The following ELFN1 variants were observed in gnomAD, a reference collection of about 807,000 sequenced individuals.
ELFN1 encodes the protein extracellular leucine rich repeat and fibronectin type III domain containing 1, also known as protein ELFN1.
In ELFN1, 6 loss-of-function variants were observed where a neutral mutation model predicts 7.6. The ratio of observed to expected loss-of-function variants is 0.79; its 90% CI spans 0.43 to 1.56. The LOEUF is 1.56. Among genes scored for constraint, ELFN1 ranks in the 40% most tolerant of loss-of-function variants. The pLI, the probability that ELFN1 is intolerant of heterozygous loss-of-function variation, is 0.01. For synonymous variants in ELFN1, 657 were observed against 588.1 expected (o/e 1.12, Z -1.70); for missense variants, 1,169 against 1,232.2 (o/e 0.95, Z 0.77).
At chr7:1,719,498 G>T (rs1392091926) in intron 3 of ELFN1, among the ~76,000 whole-genome samples, 1 of 152,210 alleles carries the variant, frequency 6.6e-6, no homozygotes, top group Non-Finnish European at 1.5e-5. Flanking sequence ...CCCACCCCTG[G>T]AGACCCCTGT....
intron 2 of ELFN1, among the ~76,000 whole-genome samples, chr7:1,698,257 A>G (rs751196145): frequency 4.6e-5 from 7 of 152,214 alleles, no homozygotes; most frequent in East Asian, 1.9e-4. Flanking sequence ...GCACTTATCA[A>G]ATTTACAGCT....
chr7:1,669,585 CG>C (rs1778720794), upstream of ELFN1, among the ~76,000 whole-genome samples: 3 of 152,194 alleles, frequency 2.0e-5, no homozygotes, highest in African/African-American at 7.2e-5. Context: ...AACATGCGGA[CG>C]GGGGCTTCCG....
intron 1 of ELFN1, among the ~76,000 whole-genome samples, chr7:1,687,093 C>T (rs940186239): frequency 6.6e-6 from 1 of 151,966 alleles, no homozygotes; most frequent in South Asian, 2.1e-4. Flanking sequence ...CCCTGCCCTG[C>T]CCTGTGGGAA....
At chr7:1,704,347 T>A (rs1779486666) in intron 2 of ELFN1, among the ~76,000 whole-genome samples, 1 of 152,162 alleles carries the variant, frequency 6.6e-6, no homozygotes, top group South Asian at 2.1e-4. Context: ...AGTCTCTTGG[T>A]CCTGATCCGG....
intron 1 of ELFN1, among the ~76,000 whole-genome samples, chr7:1,675,443 A>G (rs965005124): frequency 3.3e-5 from 5 of 152,190 alleles, no homozygotes; most frequent in African/African-American, 1.2e-4. Flanking sequence ...ACCCCGGGAG[A>G]TGATTGACAG....
At chr7:1,717,210 G>A (rs1779862371) in intron 3 of ELFN1, among the ~76,000 whole-genome samples, 1 of 152,204 alleles carries the variant, frequency 6.6e-6, no homozygotes, top group Admixed American at 6.5e-5. Flanking sequence ...CGGAGCTCAG[G>A]AGAGCCACCC....
chr7:1,690,434 T>A (rs1355914632), intron 2 of ELFN1, among the ~76,000 whole-genome samples: 1 of 146,922 alleles, frequency 6.8e-6, no homozygotes, highest in African/African-American at 2.6e-5. Context: ...AATGGGTGAA[T>A]GGATGGATGA....
chr7:1,667,952 C>G (rs537942083), upstream of ELFN1, among the ~76,000 whole-genome samples: 2 of 136,772 alleles, frequency 1.5e-5, no homozygotes, highest in South Asian at 5.2e-4. The surrounding 1 kb of genome is among the most constrained non-coding windows in gnomAD (Gnocchi z 8.2). Flanking sequence ...GACGGCGCAG[C>G]CTCCGCTCGG....
chr7:1,679,172 TAC>T (rs1491240273), intron 1 of ELFN1, among the ~76,000 whole-genome samples: 1 of 144,802 alleles, frequency 6.9e-6, no homozygotes, highest in Admixed American at 6.6e-5. Flanking sequence ...TGCACACACG[TAC>T]GCGCGCACAC....
intron 2 of ELFN1, among the ~76,000 whole-genome samples, chr7:1,688,832 G>A (rs972588063): frequency 6.6e-6 from 1 of 152,054 alleles, no homozygotes; most frequent in Non-Finnish European, 1.5e-5. Context: ...CCCTTTTATA[G>A]CCATGCCCCC....
At chr7:1,712,793 G>A (rs1779699953) in intron 3 of ELFN1, among the ~76,000 whole-genome samples, 1 of 152,150 alleles carries the variant, frequency 6.6e-6, no homozygotes, top group African/African-American at 2.4e-5. Flanking sequence ...GTGAAATGCT[G>A]GGCAAGTCAT....
At chr7:1,675,119 G>C (rs1363239621) in intron 1 of ELFN1, among the ~76,000 whole-genome samples, 1 of 152,186 alleles carries the variant, frequency 6.6e-6, no homozygotes, top group African/African-American at 2.4e-5. Context: ...GAACCAGCTT[G>C]TCTGGGAAGC....
At chr7:1,696,495 C>A (rs1779316961) in intron 2 of ELFN1, among the ~76,000 whole-genome samples, 1 of 151,854 alleles carries the variant, frequency 6.6e-6, no homozygotes, top group South Asian at 2.1e-4. Context: ...GGGCTCAAGC[C>A]ATCCTCCCAC....
At chr7:1,716,037 AG>A in intron 3 of ELFN1, among the ~76,000 whole-genome samples, 1 of 152,336 alleles carries the variant, frequency 6.6e-6, no homozygotes, top group South Asian at 2.1e-4. Context: ...GTGCACACAG[AG>A]GCAAGTCATG....
intron 2 of ELFN1, among the ~76,000 whole-genome samples, chr7:1,708,256 C>T (rs1440891489): frequency 1.3e-5 from 2 of 152,208 alleles, no homozygotes; most frequent in Non-Finnish European, 2.9e-5. Context: ...GGATCAGGTG[C>T]CACCTCGTGG....
Position 1,744,958 on chromosome 7 carries a change from G to T in ELFN1, c.362G>T (p.Arg121Leu), listed in dbSNP as rs965160942. The change falls in exon 4 of 4, where the codon CGC becomes CTC. Residue 121 changes from arginine (R) to leucine (L), a missense_variant. Coordinates refer to ENST00000424383, the MANE Select transcript of ELFN1 (RefSeq NM_001128636.4). ...CTGCAGCTGGGCTACAACCGGCTGC[G>T]CAACCTCACGGAGGGCATGCTGCGC... is the stretch of plus-strand genomic sequence containing the variant. ...QVLQLGYNRL[R>L]NLTEGMLRGL... The T allele has an allele frequency of 6.4e-7, 1 of 1,551,308 alleles. No individual in the cohort carries two copies. Among genetic ancestry groups the T allele is most frequent in the Non-Finnish European group, 8.7e-7 (1 of 1,147,060 alleles).
At position 1,744,911 on chromosome 7, in the gene ELFN1, G is replaced by T; in HGVS notation, c.315G>T (p.Ser105=). The T allele has an allele frequency of 1.3e-6, 2 of 1,553,866 alleles. No homozygotes were observed. Among genetic ancestry groups the T allele is most frequent in the Non-Finnish European group, 1.7e-6 (2 of 1,148,212 alleles). ...EIGYIEDGAF[S]GQFNLQVLQL... is the part of the protein sequence containing the mutation. Reference sequence around the variant, plus strand: ...GCTACATCGAGGACGGCGCCTTCTCGGGCCAGTTCAACCTGCAGGTGCTGC... The same window carrying T: ...GCTACATCGAGGACGGCGCCTTCTCTGGCCAGTTCAACCTGCAGGTGCTGC... Residue 105 remains serine, a synonymous_variant, in exon 4 of 4, where the codon TCG becomes TCT. Coordinates refer to ENST00000424383, the MANE Select transcript of ELFN1 (RefSeq NM_001128636.4).
chr7:1,688,925 A>G (rs1779106901), intron 2 of ELFN1, among the ~76,000 whole-genome samples: 1 of 152,222 alleles, frequency 6.6e-6, no homozygotes, highest in Non-Finnish European at 1.5e-5. Flanking sequence ...TCAAGTACAA[A>G]TGCTCCTCAA....
upstream of ELFN1, among the ~76,000 whole-genome samples, chr7:1,669,724 G>T (rs1353600547): frequency 6.6e-6 from 1 of 152,200 alleles, no homozygotes; most frequent in South Asian, 2.1e-4. Context: ...CCCGGCCTGC[G>T]CCCTGCGTTC....
Sources: allele counts gnomAD v4.1 joint callset (sites outside exome capture counted in the v4.1 genomes callset), GRCh38; gene constraint gnomAD v4.1.1; non-coding constraint Gnocchi (gnomAD v3.1); transcripts MANE v1.5; gene names NCBI Gene and HGNC (gene_info 2026-07-23, HGNC 2026-07-21).